SLIT1: variants seen among roughly 807,000 people sequenced by gnomAD.
SLIT1 encodes slit guidance ligand 1.
SLIT1 carries 66 observed loss-of-function variants against 186.1 expected under a neutral mutation model. That is an observed-to-expected ratio of 0.35 (90% CI 0.29 to 0.44). SLIT1 has a LOEUF of 0.44. Ranked by LOEUF, SLIT1 falls within the 20% of genes least tolerant of loss-of-function variation. The pLI is 1.00. For missense variants in SLIT1, 1,638 were observed against 2,037.4 expected, an observed-to-expected ratio of 0.80 and a Z score of 3.77; for synonymous variants, 761 against 833.8, an observed-to-expected ratio of 0.91 and a Z score of 1.50.
intron 4 of SLIT1, among the ~76,000 whole-genome samples, chr10:97,123,066 A>G (rs1849573849): frequency 6.6e-6 from 1 of 152,142 alleles, no homozygotes; most frequent in African/African-American, 2.4e-5. Flanking sequence ...AACCCAACCA[A>G]TATCCCCAAA....
chr10:97,177,800 A>C (rs1850276742), intron 1 of SLIT1, among the ~76,000 whole-genome samples: 1 of 152,116 alleles, frequency 6.6e-6, no homozygotes, highest in South Asian at 2.1e-4. Flanking sequence ...ACATGGTGAA[A>C]CCTCGTCTCT....
intron 4 of SLIT1, among the ~76,000 whole-genome samples, chr10:97,090,959 G>C (rs1157786448): frequency 6.6e-6 from 1 of 152,238 alleles, no homozygotes; most frequent in Non-Finnish European, 1.5e-5. Flanking sequence ...ATCTGCCCCT[G>C]CCTCACTGCC....
At position 97,043,091 on chromosome 10, in the gene SLIT1, C is replaced by T. The variant is rs772293322; in HGVS notation, c.1998-24G>A. ...TCCTGGAAGAGGCAGGCCAGGCGGCCATGGAGACACTCTGCCCCTCTCAGA... is the reference window on the plus strand; with the variant it reads ...TCCTGGAAGAGGCAGGCCAGGCGGCTATGGAGACACTCTGCCCCTCTCAGA... On this transcript the variant is annotated intron_variant, in intron 19 of 36. Coordinates refer to ENST00000266058, the MANE Select transcript of SLIT1 (RefSeq NM_003061.3). This position sits in a 1 kb window ranked among gnomAD's most constrained non-coding sequence, Gnocchi z 7.0. The T allele has an allele frequency of 6.2e-7, 1 of 1,608,990 alleles. No individual in the cohort carries two copies.
At chr10:97,122,120 A>G (rs1197362147) in intron 4 of SLIT1, among the ~76,000 whole-genome samples, 3 of 152,168 alleles carry the variant, frequency 2.0e-5, no homozygotes, top group African/African-American at 7.2e-5. Flanking sequence ...GTGAGGACAG[A>G]GCCAACTACA....
At chr10:97,071,054 C>T in intron 4 of SLIT1, among the ~76,000 whole-genome samples, 1 of 152,166 alleles carries the variant, frequency 6.6e-6, no homozygotes, top group East Asian at 1.9e-4. Flanking sequence ...AAGTGATTCA[C>T]CCACCTCAGC....
chr10:97,048,772 CAGGCAGGTAGGTGAACAGGTGGGT>C (rs1205714254), intron 14 of SLIT1, among the ~76,000 whole-genome samples, 159 bp downstream of exon 14: 2 of 151,846 alleles, frequency 1.3e-5, no homozygotes, highest in African/African-American at 4.8e-5. Context: ...AACAGGTGGG[CAGGCAGGTAGGTGAACAGGTGGGT>C]AGGCGGGCAG....
chr10:97,020,148 T>G (rs1259458842), intron 26 of SLIT1, among the ~76,000 whole-genome samples: 1 of 151,746 alleles, frequency 6.6e-6, no homozygotes, highest in African/African-American at 2.4e-5. Flanking sequence ...TTTTTAAAAT[T>G]TTTTTGTAGC....
At position 97,001,388 on chromosome 10, in the gene SLIT1, C is replaced by T. The variant is rs561288036; in HGVS notation, c.4367-38G>A. The T allele has an allele frequency of 9.8e-6, 15 of 1,529,634 alleles. No homozygotes were observed. The South Asian group carries it at 1.6e-4, about 16-fold the overall frequency. The allele number at this position is 1,529,634 out of a possible 1,614,324, so 94.8% of individuals were successfully genotyped here. ...GACACCAAGAGAAAGCCTCAGGGCA[C>T]ACCCATGGGTGAGCTGCTGCCTCCA... On this transcript the variant is annotated intron_variant, in intron 36 of 36. Transcript: ENST00000266058.
intron 4 of SLIT1, among the ~76,000 whole-genome samples, chr10:97,149,894 C>T (rs1431980734): frequency 6.6e-6 from 1 of 152,180 alleles, no homozygotes; most frequent in African/African-American, 2.4e-5. Context: ...TCCACATCTG[C>T]CCTGGGAGCT....
At position 97,006,595 on chromosome 10, in the gene SLIT1, C is replaced by T. The variant is rs778724268; in HGVS notation, c.3467G>A (p.Gly1156Asp). Residue 1156 changes from glycine to aspartate, a missense_variant, in exon 32 of 37, where the codon GGC (glycine) becomes GAC (aspartate). Physicochemically the swap from Gly to Asp is moderately conservative, Grantham distance 94 (BLOSUM62 -1). Transcript: ENST00000266058. This position sits in a 1 kb window ranked among gnomAD's most constrained non-coding sequence, Gnocchi z 4.0. Reference protein sequence around the residue: ...GNRPVCQCLPGFGGPECEKLL... With the variant: ...GNRPVCQCLPDFGGPECEKLL... Reference sequence around the variant, plus strand: ...CTTCTCACACTCAGGGCCACCGAAGCCTGGGAGGCACTGGCACACAGGCCT... The same window carrying T: ...CTTCTCACACTCAGGGCCACCGAAGTCTGGGAGGCACTGGCACACAGGCCT... 2.5e-6 allele frequency: 4 copies of T among 1,614,234 alleles called. No homozygotes were observed. Among genetic ancestry groups the T allele is most frequent in the East Asian group, 4.5e-5 (2 of 44,886 alleles).
At chr10:97,067,175 G>A (rs141305831) in intron 4 of SLIT1, among the ~76,000 whole-genome samples, 151 of 152,214 alleles carry the variant, frequency 9.9e-4, no homozygotes, top group African/African-American at 3.6e-3. Context: ...CAAGGGGCTG[G>A]GATCACTGAG....
intron 31 of SLIT1, among the ~76,000 whole-genome samples, chr10:97,009,064 AGGT>A (rs1564652519): frequency 6.6e-6 from 1 of 151,852 alleles, no homozygotes; most frequent in Non-Finnish European, 1.5e-5. Context: ...ATTTTAATAG[AGGT>A]GGGGTTTCAC....
intron 28 of SLIT1, among the ~76,000 whole-genome samples, chr10:97,015,686 G>A (rs1214421406): frequency 6.6e-6 from 1 of 152,204 alleles, no homozygotes; most frequent in Non-Finnish European, 1.5e-5. Flanking sequence ...TTCCTTCTAT[G>A]TGTAATAATT....
chr10:97,120,678 TTGA>T (rs1229569396), intron 4 of SLIT1, among the ~76,000 whole-genome samples: 1 of 152,152 alleles, frequency 6.6e-6, no homozygotes, highest in Non-Finnish European at 1.5e-5. Context: ...TCCTAGGATG[TTGA>T]TGATGCTAAG....
At chr10:97,060,207 C>T (rs756103446) in intron 9 of SLIT1, 49 bp from the exon 10 acceptor site, 25 of 1,486,856 alleles carry the variant, frequency 1.7e-5, no homozygotes, top group Non-Finnish European at 8.5e-6. Flanking sequence ...GTCAGCCCAG[C>T]CCTGGGTGTT....
chr10:97,119,983 A>T (rs1324684579), intron 4 of SLIT1, among the ~76,000 whole-genome samples: 1 of 144,952 alleles, frequency 6.9e-6, no homozygotes, highest in Non-Finnish European at 1.5e-5. Flanking sequence ...TTATCCATTT[A>T]ACAAACATTT....
chr10:97,068,864 GC>G lies in SLIT1; in HGVS notation c.414-2779del, dbSNP rs1203441908. On this transcript the variant is annotated intron_variant, in intron 4 of 36. Transcript: ENST00000266058. This position sits in a 1 kb window ranked among gnomAD's most constrained non-coding sequence, Gnocchi z 4.2. Reference sequence around the variant, plus strand: ...GGCCCCCAGTGGCCTACTCCCCGATGCCTGTCTTTATGCAGCAACTCCCCCA... The same window carrying G: ...GGCCCCCAGTGGCCTACTCCCCGATGCTGTCTTTATGCAGCAACTCCCCCA... 6.6e-6 allele frequency among the ~76,000 whole-genome samples: 1 copy of G among 152,172 alleles called. No individual in the cohort carries two copies. Among genetic ancestry groups the G allele is most frequent in the Non-Finnish European group, 1.5e-5 (1 of 68,032 alleles).
intron 1 of SLIT1, among the ~76,000 whole-genome samples, chr10:97,169,992 T>C (rs1056734383): frequency 2.0e-5 from 3 of 152,196 alleles, no homozygotes; most frequent in African/African-American, 7.2e-5. Context: ...TGTCCCCTCA[T>C]CCCATGCCCT....
At chr10:97,108,496 C>G (rs1849434920) in intron 4 of SLIT1, among the ~76,000 whole-genome samples, 1 of 152,268 alleles carries the variant, frequency 6.6e-6, no homozygotes, top group South Asian at 2.1e-4. Flanking sequence ...GTCTGCAGTG[C>G]CCCCAGCACA....
Sources: allele counts gnomAD v4.1 joint callset (sites outside exome capture counted in the v4.1 genomes callset), GRCh38; gene constraint gnomAD v4.1.1; non-coding constraint Gnocchi (gnomAD v3.1); transcripts MANE v1.5; gene names NCBI Gene and HGNC (gene_info 2026-07-23, HGNC 2026-07-21).